The following DPP10 variants were observed in gnomAD, a reference collection of about 807,000 sequenced individuals.
The protein encoded by DPP10 is inactive dipeptidyl peptidase 10.
A neutral mutation model predicts 120.9 loss-of-function variants in DPP10; 33 were observed. That is an observed-to-expected ratio of 0.27 (90% CI 0.21 to 0.37). The LOEUF is 0.37. Among genes scored for constraint, DPP10 ranks in the 10% least tolerant of loss-of-function variants. The pLI is 1.00. For missense variants in DPP10, 816 were observed against 942.8 expected, an observed-to-expected ratio of 0.87 and a Z score of 1.76; for synonymous variants, 337 against 326.1, an observed-to-expected ratio of 1.03 and a Z score of -0.36.
chr2:115,481,056 C>T (rs2075396488), intron 3 of DPP10, among the ~76,000 whole-genome samples: 1 of 151,918 alleles, frequency 6.6e-6, no homozygotes, highest in African/African-American at 2.4e-5. Context: ...TTAAGAAAAC[C>T]CAGGGTACTT....
chr2:114,697,749 CA>C (rs1205351658), intron 1 of DPP10, among the ~76,000 whole-genome samples: 2,567 of 89,022 alleles, frequency 0.029, 24 homozygotes, highest in Middle Eastern at 0.045. Context: ...GACTCTGTCT[CA>C]AAAAAAAAAA....
intron 1 of DPP10, among the ~76,000 whole-genome samples, chr2:114,530,989 A>G (rs1410331500): frequency 6.6e-6 from 1 of 152,136 alleles, no homozygotes; most frequent in African/African-American, 2.4e-5. Context: ...CTTAATTAAA[A>G]TCTCATTACA....
chr2:114,735,013 C>T (rs1677283017), intron 1 of DPP10, among the ~76,000 whole-genome samples: 1 of 152,104 alleles, frequency 6.6e-6, no homozygotes, highest in African/African-American at 2.4e-5. Flanking sequence ...GTATGTATTC[C>T]TGATATCTCT....
chr2:115,775,173 A>G (rs533023967), intron 13 of DPP10, among the ~76,000 whole-genome samples: 6 of 152,136 alleles, frequency 3.9e-5, no homozygotes, highest in African/African-American at 1.4e-4. Context: ...TATATATCCA[A>G]TGTCAGAATT....
chr2:115,251,601 G>A (rs371491373), intron 1 of DPP10, among the ~76,000 whole-genome samples: 42 of 152,218 alleles, frequency 2.8e-4, no homozygotes, highest in African/African-American at 9.9e-4. Flanking sequence ...GGGCAAAAAC[G>A]AAAGAATTAC....
intron 1 of DPP10, among the ~76,000 whole-genome samples, chr2:114,565,249 C>A (rs891537581): frequency 2.0e-5 from 3 of 152,204 alleles, no homozygotes; most frequent in African/African-American, 4.8e-5. Flanking sequence ...TGCACAACAG[C>A]TGCTGGGCTT....
chr2:114,737,158 G>A (rs1346431721), intron 1 of DPP10, among the ~76,000 whole-genome samples: 1 of 152,178 alleles, frequency 6.6e-6, no homozygotes, highest in East Asian at 1.9e-4. Flanking sequence ...ATTAGGACCT[G>A]TTTTTATTGC....
At chr2:114,985,970 A>G (rs949577) in intron 1 of DPP10, among the ~76,000 whole-genome samples, 31,753 of 152,182 alleles carry the variant, frequency 0.21, 3,595 homozygotes, top group South Asian at 0.37. Flanking sequence ...AAGTAAGTGG[A>G]ATATCTTGAT....
intron 1 of DPP10, among the ~76,000 whole-genome samples, chr2:114,678,936 G>A (rs367571365): frequency 6.6e-6 from 1 of 152,094 alleles, no homozygotes; most frequent in Admixed American, 6.6e-5. Context: ...ACACGGATGC[G>A]TCTCTTTGAA....
intron 2 of DPP10, among the ~76,000 whole-genome samples, chr2:115,321,958 A>G (rs1050813679): frequency 2.6e-5 from 4 of 152,042 alleles, no homozygotes; most frequent in Admixed American, 1.3e-4. Context: ...TTAGCTCTTT[A>G]TTCATGATTT....
At chr2:115,273,124 T>G (rs1211378710) in intron 1 of DPP10, among the ~76,000 whole-genome samples, 1 of 152,218 alleles carries the variant, frequency 6.6e-6, no homozygotes, top group Non-Finnish European at 1.5e-5. Context: ...GGCTTTTCTC[T>G]TGAGTATAAA....
chr2:115,589,248 TTAA>T (rs2082477634), intron 5 of DPP10, among the ~76,000 whole-genome samples: 1 of 152,224 alleles, frequency 6.6e-6, no homozygotes, highest in South Asian at 2.1e-4. Flanking sequence ...GATTGTTGTA[TTAA>T]TCCATTCACC....
rs373958566 is a variant in DPP10 at position 115,601,214 on chromosome 2, A to G, written c.441+75242A>G. ...CTTAAAGTGGTGACTAGAATTGAAAAGAGAATTTATTTAAGTAAGCGTGAT... is the reference window on the plus strand; with the variant it reads ...CTTAAAGTGGTGACTAGAATTGAAAGGAGAATTTATTTAAGTAAGCGTGAT... On this transcript the variant is annotated intron_variant, in intron 5 of 25. Coordinates refer to ENST00000410059, the MANE Select transcript of DPP10 (RefSeq NM_020868.6). Among the ~76,000 whole-genome samples, 12 of 152,344 alleles carry G rather than the reference A, an allele frequency of 7.9e-5. No homozygotes were observed. The East Asian group carries it at 1.9e-3, about 25-fold the overall frequency.
chr2:115,718,742 A>G (rs1421954470), intron 7 of DPP10, among the ~76,000 whole-genome samples: 4 of 152,166 alleles, frequency 2.6e-5, no homozygotes, highest in African/African-American at 9.7e-5. Context: ...CTCAAGGCTC[A>G]GCACAGGGCC....
chr2:115,769,337 C>A (rs979685965), intron 13 of DPP10, among the ~76,000 whole-genome samples: 2 of 151,926 alleles, frequency 1.3e-5, no homozygotes, highest in African/African-American at 4.8e-5. Flanking sequence ...GTTTTTAGAA[C>A]CTTTAAGACC....
intron 1 of DPP10, among the ~76,000 whole-genome samples, chr2:115,016,951 G>A (rs188120975): frequency 7.3e-5 from 11 of 150,938 alleles, no homozygotes; most frequent in East Asian, 2.0e-4. Flanking sequence ...GTAAACTATC[G>A]CAAGGACAGA....
intron 1 of DPP10, among the ~76,000 whole-genome samples, chr2:115,105,782 TA>T (rs1026828803): frequency 6.6e-5 from 10 of 152,254 alleles, no homozygotes; most frequent in Non-Finnish European, 2.9e-5. Context: ...ACAAAATATG[TA>T]TTGAAGCTAA....
intron 3 of DPP10, among the ~76,000 whole-genome samples, chr2:115,469,238 TA>T (rs1212624462): frequency 6.6e-6 from 1 of 152,222 alleles, no homozygotes; most frequent in African/African-American, 2.4e-5. Flanking sequence ...GTTATGAATT[TA>T]AAGCTATTTA....
chr2:115,189,174 C>G (rs2054682240), intron 1 of DPP10, among the ~76,000 whole-genome samples: 2 of 152,170 alleles, frequency 1.3e-5, no homozygotes, highest in South Asian at 4.1e-4. Context: ...CACCCCTGAA[C>G]AAGGGAGGGG....
Sources: gnomAD v4.1 joint callset for allele counts (sites outside exome capture counted in the v4.1 genomes callset) on GRCh38, gnomAD v4.1.1 for gene constraint, MANE v1.5 for transcripts, NCBI Gene and HGNC (gene_info 2026-07-23, HGNC 2026-07-21) for gene names.